Variants in CNTNAP2 observed in about 807,000 individuals in gnomAD.
The protein encoded by CNTNAP2 is contactin associated protein 2.
CNTNAP2 carries 98 observed loss-of-function variants against 155.2 expected under a neutral mutation model. The ratio of observed to expected loss-of-function variants is 0.63; its 90% CI spans 0.54 to 0.75. The LOEUF (loss-of-function observed/expected upper bound fraction) is 0.75, where lower values mean the gene tolerates loss of function less well. Ranked by LOEUF, CNTNAP2 falls within the 30% of genes least tolerant of loss-of-function variation. The probability of loss-of-function intolerance (pLI) is 0.00; values close to 1 mark genes in which losing one functional copy is unlikely to be tolerated. For synonymous variants in CNTNAP2, 651 were observed against 631.2 expected, an observed-to-expected ratio of 1.03 and a Z score of -0.47; for missense variants, 1,727 against 1,688.1, an observed-to-expected ratio of 1.02 and a Z score of -0.40.
chr7:146,604,863 G>T (rs1799016588), intron 1 of CNTNAP2, among the ~76,000 whole-genome samples: 1 of 140,888 alleles, frequency 7.1e-6, no homozygotes, highest in African/African-American at 2.6e-5. Flanking sequence ...TCATAGGTGG[G>T]AATTGAACAA....
At chr7:146,998,609 A>T (rs77052865) in intron 3 of CNTNAP2, among the ~76,000 whole-genome samples, 8,642 of 152,096 alleles carry the variant, frequency 0.057, 314 homozygotes, top group Middle Eastern at 0.13. Flanking sequence ...TGGATGAACT[A>T]TCCATTGCTG....
intron 13 of CNTNAP2, among the ~76,000 whole-genome samples, chr7:147,749,503 G>A (rs960623227): frequency 2.0e-5 from 3 of 152,184 alleles, no homozygotes; most frequent in Non-Finnish European, 2.9e-5. Flanking sequence ...AAAAGATTTT[G>A]GTGTGTGTTG....
At chr7:146,506,554 C>T (rs758491495) in intron 1 of CNTNAP2, among the ~76,000 whole-genome samples, 18 of 152,214 alleles carry the variant, frequency 1.2e-4, no homozygotes, top group Non-Finnish European at 2.6e-4. Flanking sequence ...GTGAAAGGCA[C>T]ATGTCCTGAC....
In CNTNAP2 at chr7:146,944,138, G is replaced by A. The variant is rs564706792; in HGVS notation, c.403-99769G>A. ...TGGTAGTAAATTATGAAATAGACGA[G>A]TATCAACATATATTTTATATGTTCC... On this transcript the variant is annotated intron_variant, in intron 3 of 23. Transcript: ENST00000361727. 2.0e-5 allele frequency among the ~76,000 whole-genome samples: 3 copies of A among 150,214 alleles called. No individual in the cohort carries two copies. The Admixed American group carries it at 2.0e-4, about 10-fold the overall frequency.
chr7:147,647,783 A>T (rs1460318153), intron 13 of CNTNAP2, among the ~76,000 whole-genome samples: 4 of 152,260 alleles, frequency 2.6e-5, no homozygotes, highest in Non-Finnish European at 4.4e-5. Context: ...AAAGTTATTA[A>T]ACAGTAGGAA....
At chr7:148,223,233 G>A (rs1356326101) in intron 19 of CNTNAP2, among the ~76,000 whole-genome samples, 3 of 152,024 alleles carry the variant, frequency 2.0e-5, no homozygotes, top group South Asian at 2.1e-4. Flanking sequence ...TCCTTTTGAT[G>A]ACTTCTCCTT....
intron 13 of CNTNAP2, among the ~76,000 whole-genome samples, chr7:147,887,756 G>A (rs569222510): frequency 1.3e-5 from 2 of 152,130 alleles, no homozygotes; most frequent in African/African-American, 2.4e-5. Flanking sequence ...GACTCTCAAT[G>A]AAAAACAAAA....
rs1799994314 is a variant in CNTNAP2, at chr7:147,907,949, T to G, written c.2255+4228T>G. 1.3e-5 allele frequency among the ~76,000 whole-genome samples: 2 copies of G among 151,370 alleles called. 1 individual carries two copies. The highest frequency in any genetic ancestry group is 4.2e-4 in the South Asian group (2 of 4,764). ...CATGCCTAGCTAATTTTTTTTTTTT[T>G]GTATTTTTAGTAGAGATGGGGTTTC... On this transcript the variant is annotated intron_variant, in intron 14 of 23. Transcript: ENST00000361727.
chr7:147,347,243 G>T (rs757576072), intron 9 of CNTNAP2, among the ~76,000 whole-genome samples: 18 of 151,640 alleles, frequency 1.2e-4, no homozygotes, highest in Non-Finnish European at 2.5e-4. Flanking sequence ...GAATGAGGAG[G>T]GTAGTTGTAG....
intron 1 of CNTNAP2, among the ~76,000 whole-genome samples, chr7:146,228,940 A>C (rs1799338406): frequency 6.6e-6 from 1 of 152,304 alleles, no homozygotes; most frequent in Non-Finnish European, 1.5e-5. Flanking sequence ...TCAGAAAAGA[A>C]GTTTAATCTT....
intron 1 of CNTNAP2, among the ~76,000 whole-genome samples, chr7:146,541,587 A>G (rs1283125137): frequency 2.6e-5 from 4 of 151,898 alleles, no homozygotes; most frequent in African/African-American, 9.7e-5. Flanking sequence ...ATGTTTTCCT[A>G]TTTTTGTTGT....
chr7:146,592,706 A>C (rs968877269), intron 1 of CNTNAP2, among the ~76,000 whole-genome samples: 1 of 152,168 alleles, frequency 6.6e-6, no homozygotes, highest in South Asian at 2.1e-4. Flanking sequence ...TTTACCATTC[A>C]AGGCAAAAAT....
intron 1 of CNTNAP2, among the ~76,000 whole-genome samples, chr7:146,324,214 A>G (rs1268180005): frequency 6.6e-6 from 1 of 152,152 alleles, no homozygotes; most frequent in Non-Finnish European, 1.5e-5. Flanking sequence ...GTGAGCTGAG[A>G]TGGAACGATT....
In CNTNAP2 at chr7:146,671,502, G is replaced by A. The variant is rs558138343; in HGVS notation, c.98-102769G>A. On this transcript the variant is annotated intron_variant, in intron 1 of 23. Coordinates refer to ENST00000361727, the MANE Select transcript of CNTNAP2 (RefSeq NM_014141.6). ...CTGTAAAAATCACTGCTTGTGTAAA[G>A]CCTAAACCATAATTGGGGTTAGAAT... Among the ~76,000 whole-genome samples, 12 of 151,352 alleles carry A rather than the reference G, an allele frequency of 7.9e-5. No individual in the cohort carries two copies. In the South Asian group the frequency reaches 2.3e-3, roughly 29 times the overall value.
At chr7:147,476,589 C>A (rs988854743) in intron 10 of CNTNAP2, among the ~76,000 whole-genome samples, 1 of 152,000 alleles carries the variant, frequency 6.6e-6, no homozygotes, top group Admixed American at 6.6e-5. Flanking sequence ...TTCATGGCTA[C>A]CCATAAACTT....
At chr7:147,180,136 C>T (rs1171798233) in intron 8 of CNTNAP2, among the ~76,000 whole-genome samples, 4 of 152,148 alleles carry the variant, frequency 2.6e-5, no homozygotes, top group African/African-American at 7.2e-5. Context: ...TGCACACAAT[C>T]TCACAAGACT....
At chr7:147,284,322 A>T (rs1426240355) in intron 8 of CNTNAP2, among the ~76,000 whole-genome samples, 1 of 151,778 alleles carries the variant, frequency 6.6e-6, no homozygotes, top group Non-Finnish European at 1.5e-5. Context: ...AATTTGGAGG[A>T]CAGAGAGAGA....
chr7:146,437,824 A>G (rs1342742558), intron 1 of CNTNAP2, among the ~76,000 whole-genome samples: 2 of 151,322 alleles, frequency 1.3e-5, no homozygotes, highest in Non-Finnish European at 2.9e-5. Context: ...TGTGATCAAA[A>G]GTGAAGTGGA....
chr7:148,298,176 C>G (rs762551676), intron 21 of CNTNAP2, among the ~76,000 whole-genome samples: 3 of 152,176 alleles, frequency 2.0e-5, no homozygotes, highest in African/African-American at 7.2e-5. Context: ...TGTGATCTAA[C>G]TCCAAGTCCA....
Sources: gnomAD v4.1 joint callset for allele counts (sites outside exome capture counted in the v4.1 genomes callset) on GRCh38, gnomAD v4.1.1 for gene constraint, MANE v1.5 for transcripts, NCBI Gene and HGNC (gene_info 2026-07-23, HGNC 2026-07-21) for gene names.